The following ANKMY2 variants were observed in gnomAD, a reference collection of about 807,000 sequenced individuals.
The protein encoded by ANKMY2 is ankyrin repeat and MYND domain containing 2, also known as ankyrin repeat and MYND domain-containing protein 2.
A neutral mutation model predicts 50.4 loss-of-function variants in ANKMY2; 36 were observed. The observed-to-expected ratio is 0.71, with a 90% CI of 0.55 to 0.94. The LOEUF is 0.94. ANKMY2 is among the 40% of genes least tolerant of loss of function. The pLI, the probability that ANKMY2 is intolerant of heterozygous loss-of-function variation, is 0.00. For synonymous variants in ANKMY2, 187 were observed against 178.8 expected (o/e 1.05, Z -0.36); for missense variants, 565 against 524.0 (o/e 1.08, Z -0.76).
At chr7:16,644,877 G>A (rs936024981) in intron 1 of ANKMY2, 16 of 356,944 alleles carry the variant, frequency 4.5e-5, no homozygotes, top group Admixed American at 4.1e-4. Flanking sequence ...TGCAACGTGG[G>A]CCGAGGGGTG....
At chr7:16,620,208 G>C (rs969863519) in intron 4 of ANKMY2, among the ~76,000 whole-genome samples, 18 of 152,172 alleles carry the variant, frequency 1.2e-4, no homozygotes, top group African/African-American at 4.3e-4. Flanking sequence ...GGAGGAGAGA[G>C]AGGACAGTAA....
At chr7:16,616,743 G>A (rs1583673849) in intron 4 of ANKMY2, among the ~76,000 whole-genome samples, 1 of 152,358 alleles carries the variant, frequency 6.6e-6, no homozygotes, top group East Asian at 1.9e-4. Context: ...GGGGACCAGC[G>A]GAGGCGCGCC....
intron 7 of ANKMY2, among the ~76,000 whole-genome samples, chr7:16,607,027 A>T (rs1781172320): frequency 6.6e-6 from 1 of 152,176 alleles, no homozygotes; most frequent in Non-Finnish European, 1.5e-5. Flanking sequence ...GTATGCGGGG[A>T]AAAGGTTGGG....
intron 7 of ANKMY2, among the ~76,000 whole-genome samples, chr7:16,606,301 C>A (rs796843934): frequency 2.0e-5 from 3 of 152,008 alleles, no homozygotes; most frequent in African/African-American, 7.2e-5. Flanking sequence ...CATGGTGGCA[C>A]GCCTGTAGTC....
intron 9 of ANKMY2, among the ~76,000 whole-genome samples, chr7:16,601,418 T>G (rs1328351901): frequency 2.0e-5 from 3 of 152,142 alleles, no homozygotes. Flanking sequence ...CAACTGGGAG[T>G]GCCCATTCTA....
intron 5 of ANKMY2, among the ~76,000 whole-genome samples, chr7:16,611,291 G>A (rs191953222): frequency 6.6e-6 from 1 of 152,238 alleles, no homozygotes; most frequent in African/African-American, 2.4e-5. Context: ...ATTTCTCTAT[G>A]GAAATTTTCC....
intron 4 of ANKMY2, among the ~76,000 whole-genome samples, chr7:16,622,811 T>C (rs952716900): frequency 1.3e-5 from 2 of 152,058 alleles, no homozygotes; most frequent in African/African-American, 4.8e-5. Flanking sequence ...ATATCCTTTG[T>C]CTCAGCAATT....
At chr7:16,601,852 A>AG in intron 9 of ANKMY2, among the ~76,000 whole-genome samples, 1 of 152,324 alleles carries the variant, frequency 6.6e-6, no homozygotes, top group East Asian at 1.9e-4. Context: ...AGAGGGATGG[A>AG]GAAAAAAAAA....
At position 16,600,264 on chromosome 7, in the gene ANKMY2, TTTC is replaced by T. The variant is rs1750107325; in HGVS notation, c.*494_*496del. On this transcript the variant is annotated 3_prime_UTR_variant, in exon 10 of 10. Coordinates refer to ENST00000306999, the MANE Select transcript of ANKMY2 (RefSeq NM_020319.3). ...GGCAAAGGTCCTTGAACATAAAGCC[TTTC>T]TTCATTTCATTGCATCTTAATAAGT... The T allele has an allele frequency of 6.6e-6, 1 of 152,466 alleles. No homozygotes were observed. The highest frequency in any genetic ancestry group is 2.4e-5 in the African/African-American group (1 of 41,442). 9.4% of individuals were successfully genotyped at this position (152,466 alleles called of 1,614,324 possible).
chr7:16,617,433 T>C (rs933433596), intron 4 of ANKMY2, among the ~76,000 whole-genome samples: 1 of 152,174 alleles, frequency 6.6e-6, no homozygotes. Flanking sequence ...CGTATGGGGA[T>C]CCAGCAATTC....
intron 1 of ANKMY2, among the ~76,000 whole-genome samples, chr7:16,637,727 A>G (rs1781686798): frequency 6.6e-6 from 1 of 152,218 alleles, no homozygotes. Flanking sequence ...TCTTTATAGA[A>G]GAATAAAACC....
chr7:16,624,933 C>T (rs758887902), intron 4 of ANKMY2, 50 bp downstream of exon 4: 2 of 1,523,994 alleles, frequency 1.3e-6, no homozygotes, highest in African/African-American at 1.4e-5. Context: ...TTTTTTTCCA[C>T]AAGGGAAATT....
Position 16,600,238 on chromosome 7 carries a change from T to C in ANKMY2, c.*523A>G, listed in dbSNP as rs1306229855. ...TATAAAACTACAATTAGCTGAACTA[T>C]GGCAAAGGTCCTTGAACATAAAGCC... On this transcript the variant is annotated 3_prime_UTR_variant, in exon 10 of 10. Transcript: ENST00000306999. 1 of 152,356 alleles carries C rather than the reference T, an allele frequency of 6.6e-6. No individual in the cohort carries two copies. The highest frequency in any genetic ancestry group is 2.4e-5 in the African/African-American group (1 of 41,466). The allele number at this position is 152,356 out of a possible 1,614,324, so 9.4% of individuals were successfully genotyped here.
intron 5 of ANKMY2, among the ~76,000 whole-genome samples, chr7:16,615,054 T>TG (rs1781319514): frequency 6.6e-6 from 1 of 152,244 alleles, no homozygotes; most frequent in African/African-American, 2.4e-5. Flanking sequence ...GAATAGCTCT[T>TG]GAAGTTTCCC....
At chr7:16,645,203 G>T (rs576206465) in intron 1 of ANKMY2, among the ~76,000 whole-genome samples, 3 of 152,238 alleles carry the variant, frequency 2.0e-5, no homozygotes, top group Non-Finnish European at 4.4e-5. Flanking sequence ...ACACACTGGG[G>T]TCCACACCCC....
At chr7:16,602,355 G>C in intron 9 of ANKMY2, 25 bp downstream of exon 9, 1 of 1,605,842 alleles carries the variant, frequency 6.2e-7, no homozygotes, top group Non-Finnish European at 8.5e-7. Flanking sequence ...AAAAAGCAGA[G>C]TGAACTCGGT....
chr7:16,615,005 T>G (rs768289465), intron 5 of ANKMY2, among the ~76,000 whole-genome samples: 2 of 152,218 alleles, frequency 1.3e-5, no homozygotes, highest in Non-Finnish European at 2.9e-5. Flanking sequence ...AAAGCCTGTA[T>G]TTTTAAAATC....
At chr7:16,631,678 A>T (rs1158115367) in intron 2 of ANKMY2, among the ~76,000 whole-genome samples, 1 of 151,314 alleles carries the variant, frequency 6.6e-6, no homozygotes, top group African/African-American at 2.4e-5. Flanking sequence ...GCAATGGTGC[A>T]ATCTCAGCTC....
Position 16,619,533 on chromosome 7 carries a change from C to T in ANKMY2, c.371-3629G>A, listed in dbSNP as rs72593043. Among the ~76,000 whole-genome samples, 1,762 of 151,944 alleles carry T rather than the reference C, an allele frequency of 0.012. 168 individuals carry two copies. In the East Asian group the frequency reaches 0.23, roughly 20 times the overall value. On this transcript the variant is annotated intron_variant, in intron 4 of 9. Transcript: ENST00000306999. ...TTAAGGTTTTTCATTTTAGGTAATG[C>T]TTATTTTGATATTTTATTTTAATTA...
Sources: allele counts gnomAD v4.1 joint callset (sites outside exome capture counted in the v4.1 genomes callset), GRCh38; gene constraint gnomAD v4.1.1; transcripts MANE v1.5; gene names NCBI Gene and HGNC (gene_info 2026-07-23, HGNC 2026-07-21).